LOC128706666: variants seen among roughly 807,000 people sequenced by gnomAD.
the LOC128706666 span, among the ~76,000 whole-genome samples, chr20:10,430,668 G>A: frequency 6.6e-5 from 10 of 152,300 alleles, no homozygotes; most frequent in East Asian, 1.3e-3. Context: ...GACTAGGGTA[G>A]TGAATCTGGT....
At chr20:10,427,868 C>G in the LOC128706666 span, among the ~76,000 whole-genome samples, 1 of 152,320 alleles carries the variant, frequency 6.6e-6, no homozygotes, top group Non-Finnish European at 1.5e-5. Context: ...ATCCTACCAC[C>G]TTCCCCACCA....
chr20:10,433,173 T>G, the LOC128706666 span, among the ~76,000 whole-genome samples: 1 of 152,256 alleles, frequency 6.6e-6, no homozygotes, highest in South Asian at 2.1e-4. Context: ...CCGGCTCATT[T>G]TTTTGTACTT....
At chr20:10,416,989 T>A in the LOC128706666 span, among the ~76,000 whole-genome samples, 2 of 152,162 alleles carry the variant, frequency 1.3e-5, no homozygotes, top group African/African-American at 4.8e-5. Context: ...GAAAAAAAGT[T>A]TGCCAATTTC....
the LOC128706666 span, among the ~76,000 whole-genome samples, chr20:10,418,626 C>T: frequency 1.3e-5 from 2 of 152,130 alleles, no homozygotes; most frequent in Non-Finnish European, 2.9e-5. Context: ...TCTCTTACTA[C>T]ATTCACCTAA....
chr20:10,432,316 C>A, the LOC128706666 span, among the ~76,000 whole-genome samples: 1 of 152,188 alleles, frequency 6.6e-6, no homozygotes, highest in Non-Finnish European at 1.5e-5. Flanking sequence ...TCCAAAAAGT[C>A]TTCTCTAGTA....
At chr20:10,429,634 T>A in the LOC128706666 span, among the ~76,000 whole-genome samples, 1 of 152,228 alleles carries the variant, frequency 6.6e-6, no homozygotes, top group African/African-American at 2.4e-5. Flanking sequence ...TTCAGAAATC[T>A]GGATATACTG....
the LOC128706666 span, among the ~76,000 whole-genome samples, chr20:10,424,707 A>T: frequency 1.3e-5 from 2 of 152,264 alleles, no homozygotes; most frequent in Non-Finnish European, 2.9e-5. Flanking sequence ...TGGGGATACA[A>T]TTTAAATTTA....
chr20:10,430,373 T>C, the LOC128706666 span, among the ~76,000 whole-genome samples: 1 of 152,324 alleles, frequency 6.6e-6, no homozygotes, highest in Admixed American at 6.5e-5. Flanking sequence ...ATGTGAATAA[T>C]AACATCCATA....
At chr20:10,420,153 A>T in the LOC128706666 span, among the ~76,000 whole-genome samples, 1 of 152,204 alleles carries the variant, frequency 6.6e-6, no homozygotes, top group Non-Finnish European at 1.5e-5. Flanking sequence ...TAAGAAATGA[A>T]TACAATTAGT....
chr20:10,428,500 C>T, the LOC128706666 span, among the ~76,000 whole-genome samples: 1 of 152,162 alleles, frequency 6.6e-6, no homozygotes, highest in Non-Finnish European at 1.5e-5. Context: ...TAGGTATGAA[C>T]ACCTCTAACT....
the LOC128706666 span, among the ~76,000 whole-genome samples, chr20:10,425,440 AT>A: frequency 6.6e-6 from 1 of 152,224 alleles, no homozygotes; most frequent in Admixed American, 6.5e-5. Flanking sequence ...GAATTAACAA[AT>A]TTCTTAAAAA....
At chr20:10,427,581 T>C in the LOC128706666 span, among the ~76,000 whole-genome samples, 13 of 152,266 alleles carry the variant, frequency 8.5e-5, no homozygotes, top group Non-Finnish European at 1.9e-4. Flanking sequence ...AAAGTTATTT[T>C]TTATCCTCAA....
chr20:10,415,815 C>T, the LOC128706666 span, among the ~76,000 whole-genome samples: 1 of 152,168 alleles, frequency 6.6e-6, no homozygotes, highest in East Asian at 1.9e-4. Context: ...CTCTGTCAGT[C>T]TTACAGTAGT....
the LOC128706666 span, among the ~76,000 whole-genome samples, chr20:10,428,595 C>T: frequency 6.6e-6 from 1 of 152,084 alleles, no homozygotes; most frequent in Admixed American, 6.6e-5. Context: ...TTCCAGCACT[C>T]GGGGAGGCTG....
At chr20:10,416,230 G>A in the LOC128706666 span, among the ~76,000 whole-genome samples, 3 of 152,056 alleles carry the variant, frequency 2.0e-5, no homozygotes, top group African/African-American at 7.2e-5. Flanking sequence ...AAATTAAGAG[G>A]TGCACTATAA....
chr20:10,418,392 G>A, the LOC128706666 span, among the ~76,000 whole-genome samples: 30 of 152,238 alleles, frequency 2.0e-4, no homozygotes, highest in South Asian at 6.2e-3. Context: ...TTTATCTTGA[G>A]GCATGTATGT....
chr20:10,425,897 A>T, the LOC128706666 span, among the ~76,000 whole-genome samples: 1 of 152,186 alleles, frequency 6.6e-6, no homozygotes, highest in East Asian at 1.9e-4. Flanking sequence ...AGACTCCTTT[A>T]GAAGGATAGA....
chr20:10,419,673 G>A, the LOC128706666 span, among the ~76,000 whole-genome samples: 1 of 152,296 alleles, frequency 6.6e-6, no homozygotes, highest in Non-Finnish European at 1.5e-5. Flanking sequence ...ACAGTTACCT[G>A]AACATAAGCG....
chr20:10,427,037 C>CACAGACACACACACAG, the LOC128706666 span, among the ~76,000 whole-genome samples: 2 of 67,914 alleles, frequency 2.9e-5, no homozygotes, highest in Non-Finnish European at 5.1e-5. Context: ...CTGACACACA[C>CACAGACACACACACAG]ACACACACAC....
Sources: allele counts gnomAD v4.1 joint callset (sites outside exome capture counted in the v4.1 genomes callset), GRCh38; gene constraint gnomAD v4.1.1; transcripts MANE v1.5.